DPY19L1: variants seen among roughly 807,000 people sequenced by gnomAD.
DPY19L1 encodes the protein protein C-mannosyl-transferase DPY19L1.
Under a neutral mutation model 96.9 loss-of-function variants are expected in DPY19L1, and 35 were observed. That is an observed-to-expected ratio of 0.36 (90% CI 0.28 to 0.48). The LOEUF is 0.48. DPY19L1 is among the 20% of genes least tolerant of loss of function. DPY19L1 has a pLI of 0.99. For synonymous variants in DPY19L1, 205 were observed against 252.6 expected, an observed-to-expected ratio of 0.81 and a Z score of 1.79; for missense variants, 521 against 777.9, an observed-to-expected ratio of 0.67 and a Z score of 3.93.
At chr7:34,992,507 G>C (rs976574648) in intron 6 of DPY19L1, among the ~76,000 whole-genome samples, 1 of 150,156 alleles carries the variant, frequency 6.7e-6, no homozygotes, top group Admixed American at 6.6e-5. Flanking sequence ...ACAATGACTA[G>C]AGAATTAAAC....
At chr7:35,018,411 C>G (rs903364473) in intron 2 of DPY19L1, among the ~76,000 whole-genome samples, 161 bp downstream of exon 2, 1 of 151,926 alleles carries the variant, frequency 6.6e-6, no homozygotes, top group African/African-American at 2.4e-5. Context: ...ATTATTCTGA[C>G]CCTGATTTAT....
At chr7:34,955,475 GCA>G in intron 11 of DPY19L1, 108 bp from the exon 12 acceptor site, 4 of 1,414,358 alleles carry the variant, frequency 2.8e-6, no homozygotes, top group Non-Finnish European at 9.6e-7. Flanking sequence ...CTAAAATTTA[GCA>G]CATGGTTGAC....
At chr7:34,993,722 A>G (rs1007020973) in intron 6 of DPY19L1, among the ~76,000 whole-genome samples, 5 of 151,746 alleles carry the variant, frequency 3.3e-5, no homozygotes, top group African/African-American at 9.7e-5. Context: ...GTTGCACAGT[A>G]TATCTCTTTC....
chr7:34,951,571 T>A (rs547709859), intron 13 of DPY19L1, among the ~76,000 whole-genome samples: 104 of 152,018 alleles, frequency 6.8e-4, no homozygotes, highest in Non-Finnish European at 1.8e-4. Flanking sequence ...AAAGAAAATT[T>A]TAGCTTTAAA....
intron 6 of DPY19L1, among the ~76,000 whole-genome samples, chr7:35,005,816 A>C (rs1204333168): frequency 6.6e-6 from 1 of 152,000 alleles, no homozygotes; most frequent in African/African-American, 2.4e-5. Context: ...GTCTCAAAAA[A>C]AAAAAAAGTT....
chr7:34,956,843 T>C (rs1194360444), intron 11 of DPY19L1, among the ~76,000 whole-genome samples: 5 of 152,090 alleles, frequency 3.3e-5, no homozygotes, highest in African/African-American at 1.2e-4. Flanking sequence ...GTAAAATAAA[T>C]GAAAATGGAG....
At chr7:34,945,243 T>C (rs975494713) in intron 16 of DPY19L1, among the ~76,000 whole-genome samples, 1 of 152,144 alleles carries the variant, frequency 6.6e-6, no homozygotes, top group Non-Finnish European at 1.5e-5. Context: ...TTTGGGTTTT[T>C]TTTTTCCTAT....
intron 21 of DPY19L1, among the ~76,000 whole-genome samples, 180 bp downstream of exon 21, chr7:34,937,814 A>T (rs1783902836): frequency 6.6e-6 from 1 of 152,092 alleles, no homozygotes; most frequent in East Asian, 1.9e-4. Context: ...AGCCCAGATC[A>T]TGCCAGTGCA....
chr7:35,035,698 C>A (rs1786377153), intron 1 of DPY19L1, among the ~76,000 whole-genome samples: 1 of 152,158 alleles, frequency 6.6e-6, no homozygotes, highest in African/African-American at 2.4e-5. Flanking sequence ...TTAACAGATC[C>A]TGTGGATCCC....
At chr7:34,989,705 G>A (rs1022592070) in intron 7 of DPY19L1, among the ~76,000 whole-genome samples, 179 bp downstream of exon 7, 1 of 151,132 alleles carries the variant, frequency 6.6e-6, no homozygotes, top group African/African-American at 2.4e-5. Flanking sequence ...AAATTACTAA[G>A]CCTTATATCA....
At chr7:34,959,106 T>C (rs1478987883) in intron 10 of DPY19L1, among the ~76,000 whole-genome samples, 1 of 151,326 alleles carries the variant, frequency 6.6e-6, no homozygotes, top group Non-Finnish European at 1.5e-5. Context: ...AACAAACATA[T>C]GAAAAAAAAG....
chr7:34,934,878 T>C (rs1385883972), intron 21 of DPY19L1, among the ~76,000 whole-genome samples: 1 of 152,192 alleles, frequency 6.6e-6, no homozygotes, highest in African/African-American at 2.4e-5. Flanking sequence ...TACTGGTCCA[T>C]GGCCGGGGGC....
At chr7:34,996,769 C>T (rs1785294415) in intron 6 of DPY19L1, among the ~76,000 whole-genome samples, 1 of 152,204 alleles carries the variant, frequency 6.6e-6, no homozygotes, top group African/African-American at 2.4e-5. Flanking sequence ...CAGGATCTGG[C>T]CCCTGCATAC....
At chr7:34,944,918 G>T (rs1416506056) in intron 16 of DPY19L1, among the ~76,000 whole-genome samples, 1 of 152,128 alleles carries the variant, frequency 6.6e-6, no homozygotes, top group Non-Finnish European at 1.5e-5. Context: ...TTAATTTTTA[G>T]AAATATAAGA....
chr7:34,962,364 T>A (rs1422521968), intron 10 of DPY19L1, among the ~76,000 whole-genome samples: 2 of 152,174 alleles, frequency 1.3e-5, no homozygotes, highest in African/African-American at 4.8e-5. Flanking sequence ...ACATACTGTA[T>A]GGTTCCAAAC....
In DPY19L1 at chr7:34,955,320, T is replaced by C. The variant is rs199649232; in HGVS notation, c.1227A>G (p.Glu409=). Residue 409 remains glutamate, a synonymous_variant, in exon 12 of 22, where the codon GAA becomes GAG. Transcript: ENST00000638088. ...KPHFLKINVS[E]LSLWVIQGCF... ...GATTGATTCTCACCCATAAACTAAG[T>C]TCAGATACATTTATTTTCAGGAAAT... The C allele has an allele frequency of 2.8e-3, 4,441 of 1,604,698 alleles. 9 individuals are homozygous for C. The highest frequency in any genetic ancestry group is 3.3e-3 in the Non-Finnish European group (3,876 of 1,173,496).
intron 10 of DPY19L1, among the ~76,000 whole-genome samples, chr7:34,965,847 A>G (rs1784597257): frequency 6.6e-6 from 1 of 152,034 alleles, no homozygotes; most frequent in African/African-American, 2.4e-5. Flanking sequence ...TGTTCCACCA[A>G]CCTAGAGATC....
At chr7:35,011,641 T>G (rs1192805971) in intron 4 of DPY19L1, among the ~76,000 whole-genome samples, 191 bp from the exon 5 acceptor site, 2 of 152,182 alleles carry the variant, frequency 1.3e-5, no homozygotes, top group Non-Finnish European at 2.9e-5. Context: ...TTTCAATTGT[T>G]CATCCATGGG....
At chr7:34,953,237 G>A (rs770756829) in intron 13 of DPY19L1, among the ~76,000 whole-genome samples, 5 of 152,084 alleles carry the variant, frequency 3.3e-5, no homozygotes, top group African/African-American at 7.2e-5. Context: ...TCAACGTTAC[G>A]TATTTCTAAA....
Sources: gnomAD v4.1 joint callset for allele counts (sites outside exome capture counted in the v4.1 genomes callset) on GRCh38, gnomAD v4.1.1 for gene constraint, MANE v1.5 for transcripts, NCBI Gene and HGNC (gene_info 2026-07-23, HGNC 2026-07-21) for gene names.